The following IL17RD variants were observed in gnomAD, a reference collection of about 807,000 sequenced individuals.
IL17RD encodes interleukin 17 receptor D, also known as interleukin-17 receptor D.
A neutral mutation model predicts 80.5 loss-of-function variants in IL17RD; 52 were observed. The ratio of observed to expected loss-of-function variants is 0.65; its 90% CI spans 0.52 to 0.81. The LOEUF is 0.81. Among genes scored for constraint, IL17RD ranks in the 40% least tolerant of loss-of-function variants. The pLI, the probability that IL17RD is intolerant of heterozygous loss-of-function variation, is 0.00. For synonymous variants in IL17RD, 416 were observed against 391.8 expected (o/e 1.06, Z -0.73); for missense variants, 1,024 against 955.1 (o/e 1.07, Z -0.95).
intron 2 of IL17RD, among the ~76,000 whole-genome samples, chr3:57,117,080 T>G (rs1027916660): frequency 1.3e-5 from 2 of 151,898 alleles, no homozygotes; most frequent in African/African-American, 4.8e-5. Context: ...TTTGGGTTTC[T>G]GTAAATATAG....
intron 1 of IL17RD, among the ~76,000 whole-genome samples, chr3:57,157,713 G>A (rs1395708154): frequency 2.0e-5 from 3 of 152,192 alleles, no homozygotes; most frequent in Non-Finnish European, 4.4e-5. Context: ...GCCGTTTTGG[G>A]AGAGAAGAAA....
chr3:57,144,956 C>G (rs1270551698), intron 1 of IL17RD, among the ~76,000 whole-genome samples: 1 of 152,056 alleles, frequency 6.6e-6, no homozygotes, highest in Admixed American at 6.6e-5. Context: ...TGACTTCCAG[C>G]TTTCCTGACA....
At chr3:57,103,056 G>C (rs1706872844) in intron 9 of IL17RD, 35 bp downstream of exon 9, 1 of 1,512,798 alleles carries the variant, frequency 6.6e-7, no homozygotes, top group Non-Finnish European at 9.1e-7. Context: ...GTCTATAGTA[G>C]TCTAGAGCCA....
intron 11 of IL17RD, among the ~76,000 whole-genome samples, chr3:57,100,871 T>C (rs377621035): frequency 1.3e-5 from 2 of 152,292 alleles, no homozygotes; most frequent in South Asian, 2.1e-4. Context: ...TCAACTCCAA[T>C]TGCATGTTTC....
rs566785582 is a variant in IL17RD, at chr3:57,097,625, G to A, written c.2078C>T (p.Thr693Met). The change falls in exon 12 of 13, where the codon ACG (threonine) becomes ATG (methionine). Residue 693 changes from threonine to methionine, a missense_variant. Transcript: ENST00000296318. The stretch of plus-strand genomic sequence containing the variant: ...GCCTGAAGAGGAGGACACGCTCTCC[G>A]TCAGGGAAGACGTTTCTGTCTGGTC... ...STDQTETSSL[T>M]ESVSSSSGLG... 6 of 1,586,406 alleles carry A rather than the reference G, an allele frequency of 3.8e-6. No individual in the cohort carries two copies. The highest frequency in any genetic ancestry group is 1.8e-5 in the Admixed American group (1 of 55,674).
At chr3:57,166,495 C>T (rs889966730), upstream of IL17RD, among the ~76,000 whole-genome samples, 1 of 151,782 alleles carries the variant, frequency 6.6e-6, no homozygotes, top group African/African-American at 2.4e-5. Flanking sequence ...CAGTAAGACC[C>T]TGTCTCTAAA....
chr3:57,131,738 C>T (rs1707613484), intron 1 of IL17RD, among the ~76,000 whole-genome samples: 1 of 152,236 alleles, frequency 6.6e-6, no homozygotes, highest in South Asian at 2.1e-4. Flanking sequence ...TGCATGTGTG[C>T]ACACACATTG....
chr3:57,138,767 C>T (rs533173296), intron 1 of IL17RD, among the ~76,000 whole-genome samples: 2 of 151,856 alleles, frequency 1.3e-5, no homozygotes, highest in African/African-American at 4.8e-5. Flanking sequence ...GAAACCCCAT[C>T]TCTACTAAAA....
chr3:57,104,114 T>A (rs1449390959), intron 8 of IL17RD, among the ~76,000 whole-genome samples: 1 of 152,202 alleles, frequency 6.6e-6, no homozygotes, highest in Non-Finnish European at 1.5e-5. Flanking sequence ...AAACCATGGT[T>A]ATATATGGAC....
intron 10 of IL17RD, among the ~76,000 whole-genome samples, chr3:57,102,026 T>TTTGG (rs1192989850): frequency 7.1e-6 from 1 of 139,902 alleles, no homozygotes; most frequent in Non-Finnish European, 1.6e-5. Flanking sequence ...AGAGGGAGGC[T>TTTGG]GAGGCAGGAG....
intron 3 of IL17RD, among the ~76,000 whole-genome samples, chr3:57,111,515 G>A (rs9826642): frequency 0.029 from 4,468 of 152,150 alleles, 210 homozygotes; most frequent in African/African-American, 0.1. Flanking sequence ...AACTATTTTA[G>A]ATCTCGCAGG....
chr3:57,142,326 C>G, intron 1 of IL17RD: 2 of 408,772 alleles, frequency 4.9e-6, no homozygotes, highest in Non-Finnish European at 9.7e-6. Flanking sequence ...AAAACAGTGT[C>G]CAGATGTGCT....
intron 1 of IL17RD, among the ~76,000 whole-genome samples, chr3:57,160,594 A>G (rs912936606): frequency 1.3e-5 from 2 of 151,884 alleles, no homozygotes; most frequent in Non-Finnish European, 2.9e-5. Context: ...TGCTCCTCCC[A>G]TCCTCACACT....
chr3:57,120,430 C>T (rs1579283068), intron 1 of IL17RD, 117 bp from the exon 2 acceptor site: 8 of 709,660 alleles, frequency 1.1e-5, no homozygotes, highest in Admixed American at 2.1e-5. Flanking sequence ...TGCCAGTCCC[C>T]GGACATCATC....
At chr3:57,150,868 C>T (rs765599371) in intron 1 of IL17RD, among the ~76,000 whole-genome samples, 2 of 152,150 alleles carry the variant, frequency 1.3e-5, no homozygotes, top group Non-Finnish European at 1.5e-5. Context: ...TAAACAATTA[C>T]GAAGGGGGCC....
chr3:57,127,261 TA>T lies in IL17RD; in HGVS notation c.127-6949del, dbSNP rs1348148775. On this transcript the variant is annotated intron_variant, in intron 1 of 12. Coordinates refer to ENST00000296318, the MANE Select transcript of IL17RD (RefSeq NM_017563.5). ...ATATAAATATATATATAAATATATA[TA>T]AATATATATAAAAATATATATAAAT... 4.6e-4 allele frequency among the ~76,000 whole-genome samples: 40 copies of T among 87,534 alleles called. 2 individuals carry two copies. Among genetic ancestry groups the T allele is most frequent in the African/African-American group, 2.2e-3 (40 of 17,792 alleles). The allele number at this position is 87,534 out of a possible 152,430, so 57.4% of individuals were successfully genotyped here. A position where few individuals can be genotyped will look rare whatever the true frequency, so the allele number is the denominator to read the frequency against.
At chr3:57,114,221 A>C (rs919602958) in intron 3 of IL17RD, among the ~76,000 whole-genome samples, 5 of 152,028 alleles carry the variant, frequency 3.3e-5, no homozygotes, top group Non-Finnish European at 1.5e-5. Context: ...GCCAACATTT[A>C]AAAATGAATT....
At chr3:57,110,065 C>T (rs997035802) in intron 4 of IL17RD, 128 bp downstream of exon 4, 59 of 1,045,530 alleles carry the variant, frequency 5.6e-5, no homozygotes, top group Non-Finnish European at 8.1e-5. Flanking sequence ...CTGTACCATT[C>T]TTGCCCACCT....
At chr3:57,112,673 A>G (rs1239242125) in intron 3 of IL17RD, among the ~76,000 whole-genome samples, 1 of 152,206 alleles carries the variant, frequency 6.6e-6, no homozygotes, top group Non-Finnish European at 1.5e-5. Flanking sequence ...AAATGTTAAG[A>G]TAATATTATT....
Sources: gnomAD v4.1 joint callset for allele counts (sites outside exome capture counted in the v4.1 genomes callset) on GRCh38, gnomAD v4.1.1 for gene constraint, MANE v1.5 for transcripts, NCBI Gene and HGNC (gene_info 2026-07-23, HGNC 2026-07-21) for gene names.